NR3C1: variants seen among roughly 807,000 people sequenced by gnomAD.
NR3C1 encodes the protein glucocorticoid receptor.
A neutral mutation model predicts 74.0 loss-of-function variants in NR3C1; 14 were observed. The observed-to-expected ratio is 0.19, with a 90% CI of 0.12 to 0.30. The LOEUF is 0.30. Among genes scored for constraint, NR3C1 ranks in the 10% least tolerant of loss-of-function variants. The pLI, the probability that NR3C1 is intolerant of heterozygous loss-of-function variation, is 1.00. For synonymous variants in NR3C1, 308 were observed against 332.5 expected (o/e 0.93, Z 0.80); for missense variants, 695 against 909.8 (o/e 0.76, Z 3.04).
intron 2 of NR3C1, among the ~76,000 whole-genome samples, chr5:143,347,241 G>A (rs1161627739): frequency 1.3e-5 from 2 of 152,082 alleles, no homozygotes; most frequent in African/African-American, 4.8e-5. Context: ...GTTACAAAAG[G>A]GAAGAATATA....
Position 143,385,379 on chromosome 5 carries a change from C to G in NR3C1, c.1184+14277G>C, listed in dbSNP as rs919992092. On this transcript the variant is annotated intron_variant, in intron 2 of 8. Transcript: ENST00000394464. ...TTCTGCAGCTCACTTGAATTGCTCCCCAGAAAATAGGTTTTTCTTTTCTAC... is the reference window on the plus strand; with the variant it reads ...TTCTGCAGCTCACTTGAATTGCTCCGCAGAAAATAGGTTTTTCTTTTCTAC... Among the ~76,000 whole-genome samples, 11 of 152,208 alleles carry G rather than the reference C, an allele frequency of 7.2e-5. No individual in the cohort carries two copies. The South Asian group carries it at 1.9e-3, about 26-fold the overall frequency.
At chr5:143,434,376 G>A (rs188218265) in intron 1 of NR3C1, among the ~76,000 whole-genome samples, 9 of 152,254 alleles carry the variant, frequency 5.9e-5, no homozygotes, top group African/African-American at 2.2e-4. Flanking sequence ...CCACAAAAAT[G>A]TTTTCTTCCT....
intron 2 of NR3C1, among the ~76,000 whole-genome samples, chr5:143,391,047 A>G (rs1484135839): frequency 1.3e-5 from 2 of 152,174 alleles, no homozygotes; most frequent in Admixed American, 6.5e-5. Context: ...TGTTTTAAAA[A>G]AAAAACTCAA....
At chr5:143,302,237 C>T (rs1384463629) in intron 4 of NR3C1, among the ~76,000 whole-genome samples, 1 of 152,052 alleles carries the variant, frequency 6.6e-6, no homozygotes, top group Non-Finnish European at 1.5e-5. Flanking sequence ...CAGTTCCTGG[C>T]ATATATTATA....
intron 2 of NR3C1, chr5:143,333,041 C>G: frequency 6.3e-7 from 1 of 1,593,512 alleles, no homozygotes; most frequent in Non-Finnish European, 8.5e-7. Flanking sequence ...GGAAGTTTGG[C>G]TTCATTTGCT....
intron 2 of NR3C1, among the ~76,000 whole-genome samples, chr5:143,347,912 T>C (rs912568679): frequency 6.6e-6 from 1 of 152,232 alleles, no homozygotes; most frequent in Non-Finnish European, 1.5e-5. Flanking sequence ...AAACGGGCTC[T>C]CATTTTTTTA....
intron 2 of NR3C1, among the ~76,000 whole-genome samples, chr5:143,314,814 G>C (rs1221890959): frequency 6.6e-6 from 1 of 152,108 alleles, no homozygotes. Flanking sequence ...ACTCAGAGAA[G>C]ACTGATCCAG....
intron 2 of NR3C1, among the ~76,000 whole-genome samples, chr5:143,329,289 G>T (rs1825387040): frequency 6.6e-6 from 1 of 152,082 alleles, no homozygotes; most frequent in Admixed American, 6.5e-5. Context: ...ACTATCACGA[G>T]AACAGCATGG....
intron 1 of NR3C1, among the ~76,000 whole-genome samples, chr5:143,414,715 TCAAGTTCTTTCTGGAATTAGG>T (rs1600669761): frequency 6.6e-6 from 1 of 152,208 alleles, no homozygotes; most frequent in Non-Finnish European, 1.5e-5. Context: ...ATGACCCAGT[TCAAGTTCTTTCTGGAATTAGG>T]GAAAGGATGA....
chr5:143,398,348 G>T lies in NR3C1; in HGVS notation c.1184+1308C>A, dbSNP rs560967141. 1.9e-3 allele frequency among the ~76,000 whole-genome samples: 207 copies of T among 109,974 alleles called. 2 individuals are homozygous for T. Among genetic ancestry groups the T allele is most frequent in the African/African-American group, 6.1e-3 (199 of 32,884 alleles). The allele number at this position is 109,974 out of a possible 152,430, so 72.1% of individuals were successfully genotyped here. A position where few individuals can be genotyped will look rare whatever the true frequency, so the allele number is the denominator to read the frequency against. On this transcript the variant is annotated intron_variant, in intron 2 of 8. Transcript: ENST00000394464. ...CACATTAAGACATGTAAGAACCAAG[G>T]TTTTTTGGTTTTTTTTTTTTTTTTT... is the stretch of plus-strand genomic sequence containing the variant.
At position 143,409,415 on chromosome 5, in the gene NR3C1, A is replaced by G. The variant is rs534477980; in HGVS notation, c.-13-8563T>C. Among the ~76,000 whole-genome samples, 3 of 152,100 alleles carry G rather than the reference A, an allele frequency of 2.0e-5. No individual in the cohort carries two copies. The South Asian group carries it at 6.2e-4, about 31-fold the overall frequency. On this transcript the variant is annotated intron_variant, in intron 1 of 8. Coordinates refer to the NR3C1 transcript ENST00000343796. ...TTTTTTCTGTACTCTCTCACTTTAA[A>G]TGTGTGATGTTAAATATAAATGGGA... is the stretch of plus-strand genomic sequence containing the variant.
At chr5:143,374,135 C>A (rs1291524203) in intron 2 of NR3C1, among the ~76,000 whole-genome samples, 2 of 152,164 alleles carry the variant, frequency 1.3e-5, no homozygotes, top group Admixed American at 6.5e-5. Context: ...AAATTTGCCT[C>A]AGCTCCAGAT....
At chr5:143,353,014 C>T (rs1373997987) in intron 2 of NR3C1, among the ~76,000 whole-genome samples, 1 of 152,332 alleles carries the variant, frequency 6.6e-6, no homozygotes, top group African/African-American at 2.4e-5. Context: ...AACCATGCTG[C>T]TGCTTTACCA....
intron 2 of NR3C1, among the ~76,000 whole-genome samples, chr5:143,343,011 CA>C (rs1037324865): frequency 2.0e-5 from 3 of 152,068 alleles, no homozygotes; most frequent in African/African-American, 4.8e-5. Context: ...CAGAAGATGA[CA>C]AAAAAATATA....
chr5:143,332,569 T>TA, intron 2 of NR3C1: 3 of 906,202 alleles, frequency 3.3e-6, no homozygotes, highest in East Asian at 2.5e-5. Flanking sequence ...AAATTATAAT[T>TA]AAAAAAAGAA....
chr5:143,358,900 C>CAA (rs200756825), intron 2 of NR3C1, among the ~76,000 whole-genome samples: 2 of 131,566 alleles, frequency 1.5e-5, no homozygotes, highest in Non-Finnish European at 3.3e-5. Context: ...AACTCCATTT[C>CAA]AAAAAAAAAA....
intron 2 of NR3C1, among the ~76,000 whole-genome samples, chr5:143,346,640 G>A (rs1829342025): frequency 6.6e-6 from 1 of 152,086 alleles, no homozygotes; most frequent in Non-Finnish European, 1.5e-5. Flanking sequence ...CCAAAATAAT[G>A]TTTATATCCT....
upstream of NR3C1, among the ~76,000 whole-genome samples, chr5:143,405,857 GAGGCT>G (rs1841081061): frequency 6.6e-6 from 1 of 152,112 alleles, no homozygotes; most frequent in South Asian, 2.1e-4. Context: ...GCTCATCTGT[GAGGCT>G]ATGAGAACAC....
Position 143,393,303 on chromosome 5 carries a change from C to T in NR3C1, c.1184+6353G>A, listed in dbSNP as rs1838619467. ...GTTATACCATTCCCTACCCTAATTA[C>T]TTCCCTCATCAAATTGACGGGTTAA... On this transcript the variant is annotated intron_variant, in intron 2 of 8. Transcript: ENST00000394464. 2.6e-5 allele frequency among the ~76,000 whole-genome samples: 4 copies of T among 152,184 alleles called. No homozygotes were observed. The South Asian group carries it at 8.3e-4, about 31-fold the overall frequency.
Sources: gnomAD v4.1 joint callset for allele counts (sites outside exome capture counted in the v4.1 genomes callset) on GRCh38, gnomAD v4.1.1 for gene constraint, MANE v1.5 for transcripts, NCBI Gene and HGNC (gene_info 2026-07-23, HGNC 2026-07-21) for gene names.